Variants in ZNF420 observed in about 807,000 individuals in gnomAD.
ZNF420 encodes the protein ATM and p53-associated KZNF protein.
In ZNF420, 31 loss-of-function variants were observed where a neutral mutation model predicts 44.7. The observed-to-expected ratio is 0.69, with a 90% CI of 0.52 to 0.94. The LOEUF is 0.94. ZNF420 is among the 40% of genes least tolerant of loss of function. ZNF420 has a pLI of 0.00. For missense variants in ZNF420, 681 were observed against 827.9 expected, an observed-to-expected ratio of 0.82 and a Z score of 2.18; for synonymous variants, 245 against 267.4, an observed-to-expected ratio of 0.92 and a Z score of 0.82.
intron 1 of ZNF420, among the ~76,000 whole-genome samples, chr19:37,021,715 G>A (rs2562592): frequency 0.024 from 3,655 of 151,434 alleles, 161 homozygotes; most frequent in African/African-American, 0.083. Flanking sequence ...AAGGCATGGG[G>A]ATCACGAGGT....
chr19:37,076,708 C>T (rs187721004), upstream of ZNF420, among the ~76,000 whole-genome samples: 98 of 152,200 alleles, frequency 6.4e-4, no homozygotes, highest in East Asian at 0.014. Flanking sequence ...TGAACTCATC[C>T]TTTTTTATGG....
At chr19:37,075,302 C>CAGGAA, upstream of ZNF420, 1 of 152,314 alleles carries the variant, frequency 6.6e-6, no homozygotes, top group African/African-American at 2.4e-5. Context: ...TCTCTGCAGT[C>CAGGAA]TTCCTAAGGT....
Position 37,096,603 on chromosome 19 carries a change from A to G in ZNF420, c.136+5482A>G, listed in dbSNP as rs184243807. 1.9e-3 allele frequency among the ~76,000 whole-genome samples: 287 copies of G among 152,334 alleles called. 3 individuals are homozygous for G. The highest frequency in any genetic ancestry group is 6.3e-3 in the African/African-American group (264 of 41,590). ...TTTTTCAGACCATTAATATACAAAC[A>G]TCTAGGTAATTAAAATCAACAAATA... is the stretch of plus-strand genomic sequence containing the variant. On this transcript the variant is annotated intron_variant, in intron 4 of 4. Coordinates refer to ENST00000337995, the MANE Select transcript of ZNF420 (RefSeq NM_144689.5).
chr19:37,116,160 C>T (rs1970668733), intron 4 of ZNF420, among the ~76,000 whole-genome samples: 1 of 151,846 alleles, frequency 6.6e-6, no homozygotes, highest in Admixed American at 6.6e-5. Context: ...TTTCTTTTCC[C>T]CACAAAGACC....
intron 1 of ZNF420, among the ~76,000 whole-genome samples, chr19:37,016,813 C>G (rs781671605): frequency 1.3e-5 from 2 of 152,218 alleles, no homozygotes; most frequent in African/African-American, 4.8e-5. Flanking sequence ...CAAGGCCAAA[C>G]AGGTTAGTAG....
intron 1 of ZNF420, among the ~76,000 whole-genome samples, chr19:37,028,694 CAT>C (rs1172278519): frequency 1.3e-5 from 2 of 152,216 alleles, no homozygotes; most frequent in Non-Finnish European, 2.9e-5. Flanking sequence ...CTATATATAT[CAT>C]GTGTGTGTTT....
chr19:37,118,304 A>AG (rs1378784704), intron 4 of ZNF420, among the ~76,000 whole-genome samples: 3 of 152,160 alleles, frequency 2.0e-5, no homozygotes, highest in African/African-American at 7.2e-5. Flanking sequence ...CCAGAAGAGA[A>AG]GGGGGGCCAA....
intron 1 of ZNF420, among the ~76,000 whole-genome samples, chr19:37,023,923 C>G (rs1280147333): frequency 6.6e-6 from 1 of 152,072 alleles, no homozygotes; most frequent in Non-Finnish European, 1.5e-5. Context: ...ATGGGTCCCT[C>G]CTCTTGGCCA....
At chr19:37,013,760 A>G (rs1037263027) in intron 1 of ZNF420, among the ~76,000 whole-genome samples, 17 of 152,124 alleles carry the variant, frequency 1.1e-4, no homozygotes, top group African/African-American at 3.9e-4. Flanking sequence ...TTCTCCTTGG[A>G]CGGAGCAATG....
chr19:37,020,365 C>T (rs1031745775), intron 1 of ZNF420, among the ~76,000 whole-genome samples: 1 of 152,102 alleles, frequency 6.6e-6, no homozygotes, highest in African/African-American at 2.4e-5. Flanking sequence ...ATAAACCTCC[C>T]TCTGAACAGA....
chr19:37,073,439 T>A (rs1180921233), upstream of ZNF420, among the ~76,000 whole-genome samples: 1 of 152,082 alleles, frequency 6.6e-6, no homozygotes, highest in African/African-American at 2.4e-5. Flanking sequence ...ACAATATAAG[T>A]ACGAAATATC....
Position 37,129,358 on chromosome 19 carries a change from G to T in ZNF420, c.*300G>T, listed in dbSNP as rs1037018084. ...CTACTAGTTGATCTTTTTGTTATAT[G>T]TATCATGATACTTAACCTCTACCTT... On this transcript the variant is annotated 3_prime_UTR_variant, in exon 5 of 5. Coordinates refer to ENST00000337995, the MANE Select transcript of ZNF420 (RefSeq NM_144689.5). The T allele has an allele frequency of 3.1e-5, 10 of 326,022 alleles. No homozygotes were observed. The highest frequency in any genetic ancestry group is 5.1e-5 in the Non-Finnish European group (9 of 177,580). 20.2% of individuals were successfully genotyped at this position (326,022 alleles called of 1,614,324 possible).
intron 1 of ZNF420, among the ~76,000 whole-genome samples, chr19:37,009,213 G>A (rs1019972573): frequency 6.6e-6 from 1 of 151,950 alleles, no homozygotes; most frequent in African/African-American, 2.4e-5. Context: ...GGAGCCAAAG[G>A]GACTGGGCTG....
At chr19:37,089,752 G>A (rs534871575) in intron 3 of ZNF420, among the ~76,000 whole-genome samples, 1 of 152,264 alleles carries the variant, frequency 6.6e-6, no homozygotes, top group South Asian at 2.1e-4. Flanking sequence ...TCATAGTGAA[G>A]ATGATCATTC....
intron 4 of ZNF420, 85 bp downstream of exon 4, chr19:37,091,206 A>G: frequency 7.6e-7 from 1 of 1,308,044 alleles, no homozygotes; most frequent in Non-Finnish European, 1.0e-6. Flanking sequence ...CTTTTTAAGT[A>G]ATTAACTGAA....
At chr19:37,087,552 C>T (rs1297267995) in intron 2 of ZNF420, among the ~76,000 whole-genome samples, 2 of 152,138 alleles carry the variant, frequency 1.3e-5, no homozygotes, top group Non-Finnish European at 2.9e-5. Context: ...TGATTCTCTG[C>T]AGGGGCAGTT....
rs561518401 is a variant in ZNF420 at position 37,106,341 on chromosome 19, A to C, written c.136+15220A>C. On this transcript the variant is annotated intron_variant, in intron 4 of 4. Coordinates refer to ENST00000337995, the MANE Select transcript of ZNF420 (RefSeq NM_144689.5). ...TTTATTGATTTGCATATGTTGAACCAGCCTTGCATCCCAGGGATGAAGCCC... is the reference window on the plus strand; with the variant it reads ...TTTATTGATTTGCATATGTTGAACCCGCCTTGCATCCCAGGGATGAAGCCC... Among the ~76,000 whole-genome samples the C allele has an allele frequency of 3.3e-5, 5 of 152,340 alleles. No individual in the cohort carries two copies. In the South Asian group the frequency reaches 1.0e-3, roughly 32 times the overall value.
chr19:37,053,933 G>T (rs1481665066), intron 1 of ZNF420, among the ~76,000 whole-genome samples: 1 of 152,248 alleles, frequency 6.6e-6, no homozygotes, highest in African/African-American at 2.4e-5. Context: ...GCTGCCTTTT[G>T]TTTGGCTATT....
At chr19:37,019,879 G>A (rs7247589) in intron 1 of ZNF420, among the ~76,000 whole-genome samples, 49,560 of 151,888 alleles carry the variant, frequency 0.33, 8,315 homozygotes, top group Non-Finnish European at 0.35. Context: ...GTACACCCAC[G>A]TGACAGAGCA....
Sources: allele counts gnomAD v4.1 joint callset (sites outside exome capture counted in the v4.1 genomes callset), GRCh38; gene constraint gnomAD v4.1.1; transcripts MANE v1.5; gene names NCBI Gene and HGNC (gene_info 2026-07-23, HGNC 2026-07-21).